Variants in CAPZA2 observed in about 807,000 individuals in gnomAD.
CAPZA2 encodes capping actin protein of muscle Z-line subunit alpha 2.
A neutral mutation model predicts 44.0 loss-of-function variants in CAPZA2; 13 were observed. That is an observed-to-expected ratio of 0.30 (90% confidence interval 0.19 to 0.47). The LOEUF (loss-of-function observed/expected upper bound fraction) is 0.47, where lower values mean the gene tolerates loss of function less well. CAPZA2 is among the 20% of genes least tolerant of loss of function. The probability of loss-of-function intolerance (pLI) is 1.00; values close to 1 mark genes in which losing one functional copy is unlikely to be tolerated. For missense variants in CAPZA2, 244 were observed against 338.6 expected (o/e 0.72, Z 2.19); for synonymous variants, 94 against 108.2 (o/e 0.87, Z 0.81).
chr7:116,895,532 G>A (rs915374204), intron 3 of CAPZA2, among the ~76,000 whole-genome samples: 14 of 151,990 alleles, frequency 9.2e-5, no homozygotes, highest in Admixed American at 9.2e-4. Context: ...TTAAGTAAAC[G>A]AGTATTTGAG....
intron 2 of CAPZA2, among the ~76,000 whole-genome samples, chr7:116,892,655 C>A (rs1231136109): frequency 6.6e-6 from 1 of 151,300 alleles, no homozygotes; most frequent in African/African-American, 2.4e-5. Flanking sequence ...AAAAAAAAAA[C>A]TCACGATGTT....
At position 116,919,826 on chromosome 7, in the gene CAPZA2, C is replaced by T. The variant is rs901507683; in HGVS notation, c.*1959C>T. 6.6e-6 allele frequency: 1 copy of T among 151,514 alleles called. No individual in the cohort carries two copies. 9.4% of individuals were successfully genotyped at this position (151,514 alleles called of 1,614,324 possible). A position where few individuals can be genotyped will look rare whatever the true frequency, so the allele number is the denominator to read the frequency against. ...CTCGCAGTGAGCCGAGATCGCGCCA[C>T]TGCACTCCAGCCTGGGTGACAGAGC... On this transcript the variant is annotated 3_prime_UTR_variant, in exon 10 of 10. Coordinates refer to ENST00000361183, the MANE Select transcript of CAPZA2 (RefSeq NM_006136.3).
At chr7:116,901,060 G>T (rs996774673) in intron 4 of CAPZA2, among the ~76,000 whole-genome samples, 2 of 152,114 alleles carry the variant, frequency 1.3e-5, no homozygotes, top group African/African-American at 4.8e-5. Flanking sequence ...TACACTGTTG[G>T]TGGGAGTGTA....
At chr7:116,879,244 G>A (rs1796659615) in intron 1 of CAPZA2, among the ~76,000 whole-genome samples, 4 of 151,752 alleles carry the variant, frequency 2.6e-5, no homozygotes, top group South Asian at 2.1e-4. Flanking sequence ...TTCACCCAAG[G>A]TCACATCGCT....
At position 116,862,587 on chromosome 7, in the gene CAPZA2, G is replaced by A. The variant is rs1396345124; in HGVS notation, c.-25G>A. On this transcript the variant is annotated 5_prime_UTR_variant, in exon 1 of 10. Coordinates refer to ENST00000361183, the MANE Select transcript of CAPZA2 (RefSeq NM_006136.3). The stretch of plus-strand genomic sequence containing the variant: ...TCAGGTGGCCGCTGCCGCCGCCGCC[G>A]CCGCGGTTTGTCGCCAGAAGGAAGA... The A allele has an allele frequency of 2.6e-6, 4 of 1,535,398 alleles. No individual in the cohort carries two copies. The highest frequency in any genetic ancestry group is 1.4e-5 in the African/African-American group (1 of 70,860).
At chr7:116,886,392 C>T (rs1404033637) in intron 1 of CAPZA2, among the ~76,000 whole-genome samples, 2 of 152,194 alleles carry the variant, frequency 1.3e-5, no homozygotes, top group Non-Finnish European at 2.9e-5. Context: ...TAACTAGGAA[C>T]ATCTTCATTC....
At chr7:116,882,032 A>G (rs995186606) in intron 1 of CAPZA2, among the ~76,000 whole-genome samples, 11 of 152,230 alleles carry the variant, frequency 7.2e-5, no homozygotes, top group South Asian at 4.1e-4. Context: ...TTCTCAGTAT[A>G]TACTCTCAGG....
Position 116,906,258 on chromosome 7 carries a change from A to T in CAPZA2, c.427-5A>T. On this transcript the variant is annotated splice_region_variant and splice_polypyrimidine_tract_variant and intron_variant, in intron 5 of 9. Transcript: ENST00000361183. ...ATTCTTATGCTTATTTTCTTTGCCA[A>T]TAAGGTGTATGGCAAAAAAATAGAT... 6.2e-7 allele frequency: 1 copy of T among 1,610,950 alleles called. No individual in the cohort carries two copies. Among genetic ancestry groups the T allele is most frequent in the African/African-American group, 1.3e-5 (1 of 74,788 alleles).
At chr7:116,895,903 T>A (rs915426680) in intron 3 of CAPZA2, among the ~76,000 whole-genome samples, 10 of 152,112 alleles carry the variant, frequency 6.6e-5, no homozygotes, top group Admixed American at 2.6e-4. Context: ...CACTTAGTTC[T>A]GAATTACTTT....
At chr7:116,870,294 A>T (rs1796535938) in intron 1 of CAPZA2, among the ~76,000 whole-genome samples, 2 of 152,240 alleles carry the variant, frequency 1.3e-5, no homozygotes, top group Middle Eastern at 3.2e-3. Context: ...GGTATGGTAA[A>T]CATCAGTTGG....
intron 1 of CAPZA2, among the ~76,000 whole-genome samples, chr7:116,864,750 G>T (rs772453120): frequency 2.6e-5 from 4 of 152,054 alleles, no homozygotes; most frequent in African/African-American, 4.8e-5. Context: ...TCAAAAATAA[G>T]CTCTTAAGCT....
At chr7:116,889,726 T>C (rs1562959687) in intron 2 of CAPZA2, among the ~76,000 whole-genome samples, 2 of 152,316 alleles carry the variant, frequency 1.3e-5, no homozygotes, top group East Asian at 1.9e-4. Flanking sequence ...TACAATTACA[T>C]ATGGCAGTTC....
intron 1 of CAPZA2, among the ~76,000 whole-genome samples, chr7:116,878,901 G>A (rs1361162589): frequency 6.6e-6 from 1 of 151,804 alleles, no homozygotes; most frequent in African/African-American, 2.4e-5. Flanking sequence ...GCCAAGGCTG[G>A]TGGATCACGA....
chr7:116,892,414 A>AT (rs1450340008), intron 2 of CAPZA2, among the ~76,000 whole-genome samples: 2 of 152,120 alleles, frequency 1.3e-5, no homozygotes, highest in East Asian at 1.9e-4. Context: ...AAGTGCTTGG[A>AT]TTTTTTTCAA....
intron 4 of CAPZA2, among the ~76,000 whole-genome samples, chr7:116,900,614 C>T (rs898941951): frequency 4.6e-5 from 7 of 151,566 alleles, no homozygotes; most frequent in South Asian, 2.1e-4. Flanking sequence ...AAAAGGCATA[C>T]GATTATGAAG....
chr7:116,903,270 G>GTGTGTA (rs1797019523), intron 4 of CAPZA2, among the ~76,000 whole-genome samples: 1 of 145,200 alleles, frequency 6.9e-6, no homozygotes, highest in Non-Finnish European at 1.5e-5. Flanking sequence ...GTGTGTGTGT[G>GTGTGTA]TACGTACACA....
At chr7:116,903,420 A>G (rs1370006946) in intron 4 of CAPZA2, among the ~76,000 whole-genome samples, 1 of 152,138 alleles carries the variant, frequency 6.6e-6, no homozygotes, top group African/African-American at 2.4e-5. Flanking sequence ...TATCTGTAAG[A>G]TTTTATGACT....
At chr7:116,889,566 CAAAA>C (rs745664263) in intron 2 of CAPZA2, among the ~76,000 whole-genome samples, 1 of 112,950 alleles carries the variant, frequency 8.9e-6, no homozygotes, top group Non-Finnish European at 1.9e-5. Context: ...CCATCTCTAC[CAAAA>C]AAAAAAAAAA....
At chr7:116,903,838 T>G (rs1485072174) in intron 4 of CAPZA2, among the ~76,000 whole-genome samples, 1 of 152,202 alleles carries the variant, frequency 6.6e-6, no homozygotes, top group Non-Finnish European at 1.5e-5. Flanking sequence ...TTTGAGGAAC[T>G]GGAGTCTGAT....
Sources: allele counts gnomAD v4.1 joint callset (sites outside exome capture counted in the v4.1 genomes callset), GRCh38; gene constraint gnomAD v4.1.1; transcripts MANE v1.5; gene names NCBI Gene and HGNC (gene_info 2026-07-23, HGNC 2026-07-21).